The following TRAK1 variants were observed in gnomAD, a reference collection of about 807,000 sequenced individuals.
The protein encoded by TRAK1 is trafficking kinesin-binding protein 1.
A neutral mutation model predicts 92.1 loss-of-function variants in TRAK1; 33 were observed. The ratio of observed to expected loss-of-function variants is 0.36; its 90% CI spans 0.27 to 0.48. The LOEUF is 0.48. TRAK1 is among the 20% of genes least tolerant of loss of function. The pLI, the probability that TRAK1 is intolerant of heterozygous loss-of-function variation, is 0.99. For missense variants in TRAK1, 1,123 were observed against 1,257.9 expected, an observed-to-expected ratio of 0.89 and a Z score of 1.62; for synonymous variants, 521 against 517.3, an observed-to-expected ratio of 1.01 and a Z score of -0.10.
chr3:42,104,245 AACTTCTGGGGGC>A (rs1413416712), intron 1 of TRAK1, among the ~76,000 whole-genome samples: 2 of 152,120 alleles, frequency 1.3e-5, no homozygotes, highest in East Asian at 1.9e-4. Flanking sequence ...GGCATAGCTG[AACTTCTGGGGGC>A]ACTTCTGGGG....
chr3:42,193,717 G>A (rs1336613482), intron 8 of TRAK1, 107 bp from the exon 9 acceptor site: 1 of 1,142,926 alleles, frequency 8.7e-7, no homozygotes, highest in African/African-American at 1.5e-5. Context: ...AGATGAGCAT[G>A]TCCTTGTAGA....
intron 2 of TRAK1, among the ~76,000 whole-genome samples, chr3:42,167,395 G>T (rs754252934): frequency 1.3e-5 from 2 of 152,138 alleles, no homozygotes; most frequent in Non-Finnish European, 2.9e-5. Context: ...GGTTTGTTCT[G>T]CCTGCCCTGC....
At chr3:42,186,759 C>T (rs1387084120) in intron 4 of TRAK1, among the ~76,000 whole-genome samples, 1 of 152,166 alleles carries the variant, frequency 6.6e-6, no homozygotes, top group African/African-American at 2.4e-5. Flanking sequence ...TTTTTTCCCC[C>T]TTGGAAAAGC....
At chr3:42,036,719 C>G (rs1252376549) in intron 1 of TRAK1, among the ~76,000 whole-genome samples, 1 of 152,090 alleles carries the variant, frequency 6.6e-6, no homozygotes, top group Non-Finnish European at 1.5e-5. Context: ...CAGCCAAATG[C>G]CTTTTAACCT....
intron 2 of TRAK1, among the ~76,000 whole-genome samples, chr3:42,163,336 T>C (rs1362744545): frequency 3.9e-5 from 6 of 152,022 alleles, no homozygotes; most frequent in Non-Finnish European, 8.8e-5. Flanking sequence ...TTTGGGAGGC[T>C]GAGGCGGGTG....
At chr3:42,160,348 G>A (rs772778595) in intron 2 of TRAK1, 1 of 1,613,904 alleles carries the variant, frequency 6.2e-7, no homozygotes. Context: ...TTTGGCTTTG[G>A]GGTGACTTCA....
chr3:42,119,480 C>G (rs1242998439), intron 1 of TRAK1, among the ~76,000 whole-genome samples: 1 of 152,172 alleles, frequency 6.6e-6, no homozygotes, highest in African/African-American at 2.4e-5. Flanking sequence ...GTTGAGTTAG[C>G]TGCTTTAACA....
intron 1 of TRAK1, among the ~76,000 whole-genome samples, chr3:42,113,106 G>C (rs201330089): frequency 0.03 from 2 of 66 alleles, no homozygotes; most frequent in African/African-American, 0.042. Context: ...ATAGGCCAGG[G>C]CGCTGTGCTT....
chr3:42,031,793 C>T (rs1408334422), intron 1 of TRAK1, among the ~76,000 whole-genome samples: 2 of 152,072 alleles, frequency 1.3e-5, no homozygotes, highest in Admixed American at 1.3e-4. Flanking sequence ...AGGTGCGTTT[C>T]CAGTTTCCTC....
rs528124658 is a variant in TRAK1, at chr3:42,151,686, T to G, written c.287-25128T>G. 8.5e-5 allele frequency among the ~76,000 whole-genome samples: 13 copies of G among 152,320 alleles called. 1 individual carries two copies. In the South Asian group the frequency reaches 2.7e-3, roughly 32 times the overall value. ...AAGGAGATTTCAATTATGTGCCAAT[T>G]TTGTGGTTACTTGCTTACACATTTC... On this transcript the variant is annotated intron_variant, in intron 2 of 15. Coordinates refer to ENST00000327628, the MANE Select transcript of TRAK1 (RefSeq NM_001042646.3).
At chr3:42,049,319 TG>T (rs143102330) in intron 1 of TRAK1, among the ~76,000 whole-genome samples, 14,735 of 145,738 alleles carry the variant, frequency 0.1, 2,427 homozygotes, top group African/African-American at 0.37. Flanking sequence ...TCCTTTTTTA[TG>T]TCATTCATTT....
At chr3:42,209,697 T>C in intron 13 of TRAK1, 70 bp from the exon 14 acceptor site, 2 of 1,479,064 alleles carry the variant, frequency 1.4e-6, no homozygotes, top group South Asian at 2.5e-5. Context: ...TAAACAGCCA[T>C]TGTCTTGGAC....
chr3:42,201,170 C>G, intron 12 of TRAK1, 116 bp downstream of exon 12: 1 of 1,156,116 alleles, frequency 8.6e-7, no homozygotes, highest in Non-Finnish European at 1.3e-6. Flanking sequence ...CTGAAAAATA[C>G]AGACCTGGCC....
intron 3 of TRAK1, among the ~76,000 whole-genome samples, chr3:42,178,626 G>C (rs1026942904): frequency 6.6e-6 from 1 of 151,848 alleles, no homozygotes; most frequent in Admixed American, 6.6e-5. Context: ...TTTATTTTTT[G>C]TGGAGGCGGG....
chr3:42,218,246 C>A (rs2149537537), intron 14 of TRAK1: 1 of 985,362 alleles, frequency 1.0e-6, no homozygotes, highest in Non-Finnish European at 1.2e-6. Flanking sequence ...CTGTGTGGAC[C>A]TGTAGGTTTG....
At chr3:42,123,324 T>TCTGCCTTC (rs1227230967) in intron 1 of TRAK1, among the ~76,000 whole-genome samples, 4 of 152,364 alleles carry the variant, frequency 2.6e-5, no homozygotes, top group Non-Finnish European at 4.4e-5. Context: ...TTACTGCCTT[T>TCTGCCTTC]CTGCCTTCCT....
intron 2 of TRAK1, chr3:42,160,496 A>T (rs1194142150): frequency 2.5e-6 from 4 of 1,610,666 alleles, no homozygotes. Flanking sequence ...CTTGGCTCAG[A>T]TTTGATCCTT....
chr3:42,040,824 G>A lies in TRAK1; in HGVS notation c.-519+26707G>A, dbSNP rs576210419. 9.2e-5 allele frequency among the ~76,000 whole-genome samples: 14 copies of A among 152,116 alleles called. No homozygotes were observed. The South Asian group carries it at 2.9e-3, about 32-fold the overall frequency. On this transcript the variant is annotated intron_variant, in intron 1 of 16. Coordinates refer to the TRAK1 transcript ENST00000487159. ...CTCCTGGGTAGCTAGGACTACAGGT[G>A]TGCACCACCATGCCTGGCTAATTTT...
At chr3:42,076,834 C>G (rs1704183397) in intron 1 of TRAK1, among the ~76,000 whole-genome samples, 1 of 152,082 alleles carries the variant, frequency 6.6e-6, no homozygotes, top group Non-Finnish European at 1.5e-5. Flanking sequence ...GGTCTAGTTC[C>G]AATCTTCTGT....
Sources: gnomAD v4.1 joint callset for allele counts (sites outside exome capture counted in the v4.1 genomes callset) on GRCh38, gnomAD v4.1.1 for gene constraint, MANE v1.5 for transcripts, NCBI Gene and HGNC (gene_info 2026-07-23, HGNC 2026-07-21) for gene names.